RBMS2: variants seen among roughly 807,000 people sequenced by gnomAD.
RBMS2 encodes the protein RNA-binding motif, single-stranded-interacting protein 2.
In RBMS2, 38 loss-of-function variants were observed where a neutral mutation model predicts 58.4. The observed-to-expected ratio is 0.65, with a 90% confidence interval of 0.50 to 0.85. The LOEUF is 0.85. Ranked by LOEUF, RBMS2 falls within the 40% of genes least tolerant of loss-of-function variation. The probability of loss-of-function intolerance (pLI) is 0.00; values close to 1 mark genes in which losing one functional copy is unlikely to be tolerated. For missense variants in RBMS2, 367 were observed against 503.7 expected (o/e 0.73, Z 2.60); for synonymous variants, 151 against 180.7 (o/e 0.84, Z 1.32).
upstream of RBMS2, among the ~76,000 whole-genome samples, chr12:56,521,358 GT>G (rs371347513): frequency 1.7e-4 from 25 of 150,190 alleles, no homozygotes; most frequent in East Asian, 4.9e-3. Context: ...GAAGGTGGAG[GT>G]TGCAGTGAGC....
rs941864499 is a variant in RBMS2 at position 56,555,219 on chromosome 12, G to GT, written c.67-7189dup. On this transcript the variant is annotated intron_variant, in intron 1 of 13. Transcript: ENST00000262031. ...ATTATATAGCAATTCCTTCTGTTTTGTTTTTTTTTAATTGTCTAGGACTGA... is the reference window on the plus strand; with the variant it reads ...ATTATATAGCAATTCCTTCTGTTTTGTTTTTTTTTTAATTGTCTAGGACTGA... Among the ~76,000 whole-genome samples, 26 of 150,590 alleles carry GT rather than the reference G, an allele frequency of 1.7e-4. No individual in the cohort carries two copies. In the South Asian group the frequency reaches 2.3e-3, roughly 13 times the overall value.
chr12:56,569,785 T>G (rs1881977263), intron 3 of RBMS2, 114 bp from the exon 4 acceptor site: 2 of 892,470 alleles, frequency 2.2e-6, no homozygotes, highest in Admixed American at 4.2e-5. Flanking sequence ...TAGCTCTTTC[T>G]CCCTCCCATT....
At chr12:56,525,215 A>G (rs1345978514) in intron 1 of RBMS2, among the ~76,000 whole-genome samples, 1 of 151,592 alleles carries the variant, frequency 6.6e-6, no homozygotes, top group Non-Finnish European at 1.5e-5. Context: ...GTTAAATTTT[A>G]TTTATTTGTT....
chr12:56,536,093 G>A (rs563410428), intron 1 of RBMS2, among the ~76,000 whole-genome samples: 4 of 151,550 alleles, frequency 2.6e-5, no homozygotes, highest in East Asian at 1.9e-4. Context: ...CCAGCTACTC[G>A]GGAGGCTGAA....
chr12:56,593,285 AG>A lies in RBMS2; in HGVS notation c.*4153del, dbSNP rs1885437440. On this transcript the variant is annotated 3_prime_UTR_variant, in exon 14 of 14. Coordinates refer to ENST00000262031, the MANE Select transcript of RBMS2 (RefSeq NM_002898.4). The stretch of plus-strand genomic sequence containing the variant: ...GCCACCCCTTCCCCGGCCACCAAGT[AG>A]CTGGGACTATGGGCTTGTGCCACCA... The A allele has an allele frequency of 1.3e-5, 2 of 152,164 alleles. No homozygotes were observed. The highest frequency in any genetic ancestry group is 2.4e-5 in the African/African-American group (1 of 41,384). 9.4% of individuals were successfully genotyped at this position (152,164 alleles called of 1,614,324 possible).
chr12:56,534,266 G>T (rs1182185654), intron 1 of RBMS2, among the ~76,000 whole-genome samples: 1 of 152,038 alleles, frequency 6.6e-6, no homozygotes, highest in Non-Finnish European at 1.5e-5. Flanking sequence ...GGGATTTTTG[G>T]ATTGTTTCTA....
Position 56,562,473 on chromosome 12 carries a change from T to C in RBMS2, c.123T>C (p.Pro41=). ...MAPPSPSNST[P]NSSSGSNGND... ...CACCTAGCCCAAGCAACAGTACACC[T>C]AACAGCAGTAGTGGAAGCAATGGAA... The change falls in exon 2 of 14, where the codon CCT becomes CCC. Residue 41 remains proline, a synonymous_variant. Coordinates refer to ENST00000262031, the MANE Select transcript of RBMS2 (RefSeq NM_002898.4). The C allele has an allele frequency of 6.2e-7, 1 of 1,607,310 alleles. No individual in the cohort carries two copies. The highest frequency in any genetic ancestry group is 8.5e-7 in the Non-Finnish European group (1 of 1,173,766).
chr12:56,587,630 A>G lies in RBMS2; in HGVS notation c.1028A>G (p.Gln343Arg). The G allele has an allele frequency of 6.2e-7, 1 of 1,613,880 alleles. No individual in the cohort carries two copies. Among genetic ancestry groups the G allele is most frequent in the Non-Finnish European group, 8.5e-7 (1 of 1,179,764 alleles). The change falls in exon 11 of 14, where the codon CAA becomes CGA. Residue 343 changes from glutamine (Q) to arginine (R), a missense_variant. Gln to Arg is a conservative substitution (Grantham distance 43, BLOSUM62 1). This residue lies in a region of RBMS2 where 220 missense variants were observed against 261.1 expected (regional missense o/e 0.84). Transcript: ENST00000262031. ...PASMMGPLTQ[Q>R]LGHLSLSSTG... ...TCCATGATGGGACCCCTTACCCAGC[A>G]ACTGGGCCATCTCTCCCTCAGCAGC...
intron 1 of RBMS2, among the ~76,000 whole-genome samples, chr12:56,554,683 C>T (rs1339588362): frequency 6.6e-6 from 1 of 152,108 alleles, no homozygotes; most frequent in African/African-American, 2.4e-5. Context: ...ACCACCATGG[C>T]ACCTGTTTCC....
chr12:56,547,805 C>G (rs574682097), intron 1 of RBMS2, among the ~76,000 whole-genome samples: 1 of 151,866 alleles, frequency 6.6e-6, no homozygotes, highest in East Asian at 2.0e-4. Context: ...CCCACTACCA[C>G]GCCTGGCTAA....
intron 1 of RBMS2, among the ~76,000 whole-genome samples, chr12:56,541,666 C>T (rs963284791): frequency 6.6e-6 from 1 of 152,162 alleles, no homozygotes; most frequent in Admixed American, 6.6e-5. Flanking sequence ...ACAGATTTAT[C>T]CACCTAAATA....
At chr12:56,573,497 A>AG (rs1882658228) in intron 5 of RBMS2, among the ~76,000 whole-genome samples, 1 of 150,704 alleles carries the variant, frequency 6.6e-6, no homozygotes, top group African/African-American at 2.4e-5. Context: ...AAAAAAAAAA[A>AG]AAAAAGAAGA....
At chr12:56,575,890 A>T (rs1452199578) in intron 5 of RBMS2, among the ~76,000 whole-genome samples, 1 of 150,264 alleles carries the variant, frequency 6.7e-6, no homozygotes. Context: ...GCAAAACTCC[A>T]TCTCAAAGAA....
In RBMS2 at chr12:56,562,600, G is replaced by A. The variant is rs371757965; in HGVS notation, c.233+17G>A. 7 of 1,607,796 alleles carry A rather than the reference G, an allele frequency of 4.4e-6. No homozygotes were observed. The African/African-American group carries it at 8.0e-5, about 18-fold the overall frequency. Reference sequence around the variant, plus strand: ...GTGTCAGCCGTAAGTTGGAGTACATGTGCGTAGGCTTCCAGGGACAGTATA... The same window carrying A: ...GTGTCAGCCGTAAGTTGGAGTACATATGCGTAGGCTTCCAGGGACAGTATA... On this transcript the variant is annotated intron_variant, in intron 2 of 13. Transcript: ENST00000262031.
chr12:56,572,678 A>G (rs1882501078), intron 5 of RBMS2: 1 of 556,586 alleles, frequency 1.8e-6, no homozygotes, highest in Non-Finnish European at 2.3e-6. Context: ...TGAACTCTTC[A>G]GTAGAAATGA....
At chr12:56,564,888 C>T (rs1881065329) in intron 2 of RBMS2, among the ~76,000 whole-genome samples, 1 of 152,106 alleles carries the variant, frequency 6.6e-6, no homozygotes, top group Admixed American at 6.6e-5. Context: ...GCAGAAGAAT[C>T]TCTTGAACCC....
chr12:56,572,036 C>T (rs1882377040), intron 5 of RBMS2, among the ~76,000 whole-genome samples, 181 bp downstream of exon 5: 1 of 152,084 alleles, frequency 6.6e-6, no homozygotes, highest in East Asian at 1.9e-4. Flanking sequence ...CACCTGTAAT[C>T]CCAGCACTTT....
At chr12:56,565,291 C>G (rs995699695) in intron 2 of RBMS2, among the ~76,000 whole-genome samples, 1 of 152,062 alleles carries the variant, frequency 6.6e-6, no homozygotes, top group Non-Finnish European at 1.5e-5. Flanking sequence ...CATAGGTAAA[C>G]TCGGGACTTG....
At chr12:56,579,613 G>C (rs199897762) in intron 5 of RBMS2, among the ~76,000 whole-genome samples, 1 of 146,696 alleles carries the variant, frequency 6.8e-6, no homozygotes, top group Non-Finnish European at 1.5e-5. Context: ...CAGCCTGGGC[G>C]ACAGAGCAAG....
Sources: allele counts gnomAD v4.1 joint callset (sites outside exome capture counted in the v4.1 genomes callset), GRCh38; gene constraint gnomAD v4.1.1; regional missense constraint gnomAD v4.1.1; transcripts MANE v1.5; gene names NCBI Gene and HGNC (gene_info 2026-07-23, HGNC 2026-07-21).